SV2B: variants seen among roughly 807,000 people sequenced by gnomAD.
SV2B encodes the protein solute carrier family 22 member B2.
In SV2B, 41 loss-of-function variants were observed where a neutral mutation model predicts 73.9. The ratio of observed to expected loss-of-function variants is 0.56; its 90% CI spans 0.43 to 0.72. The LOEUF (loss-of-function observed/expected upper bound fraction) is 0.72, where lower values mean the gene tolerates loss of function less well. Among genes scored for constraint, SV2B ranks in the 30% least tolerant of loss-of-function variants. The pLI is 0.00. For synonymous variants in SV2B, 314 were observed against 314.2 expected (o/e 1.00, Z 0.01); for missense variants, 764 against 857.8 (o/e 0.89, Z 1.37).
At chr15:91,200,886 C>T (rs529208702) in intron 1 of SV2B, among the ~76,000 whole-genome samples, 6 of 152,146 alleles carry the variant, frequency 3.9e-5, no homozygotes, top group East Asian at 1.9e-4. Context: ...ACTCCAGCCT[C>T]GGTGATGGAG....
Position 91,252,360 on chromosome 15 carries a change from C to T in SV2B, c.633-9C>T. ...TTGATTCTTTCTCTCTGGCATTTTT[C>T]CTTTGCAGTATTGGGGGTGCTCTAC... On this transcript the variant is annotated splice_polypyrimidine_tract_variant and intron_variant, in intron 3 of 12. Transcript: ENST00000394232. The surrounding 1 kb of genome is among the most constrained non-coding windows in gnomAD (Gnocchi z 4.6). The T allele has an allele frequency of 1.3e-6, 2 of 1,595,702 alleles. No homozygotes were observed. The highest frequency in any genetic ancestry group is 1.7e-6 in the Non-Finnish European group (2 of 1,171,282).
chr15:91,226,603 G>A lies in SV2B; in HGVS notation c.340G>A (p.Val114Ile), dbSNP rs746858920. 75 of 1,614,068 alleles carry A rather than the reference G, an allele frequency of 4.6e-5. No homozygotes were observed. Among genetic ancestry groups the A allele is most frequent in the Middle Eastern group, 1.6e-4 (1 of 6,082 alleles). Residue 114 changes from valine to isoleucine, a missense_variant, in exon 2 of 13, where the codon GTC becomes ATC. By Grantham distance (29) the Val-to-Ile change is conservative (BLOSUM62 3). Transcript: ENST00000394232. Reference protein sequence around the residue: ...HGRFQWILFFVLGLALMADGV... With the variant: ...HGRFQWILFFILGLALMADGV... ...CCGCTTCCAGTGGATCCTCTTTTTC[G>A]TCTTGGGTTTGGCCCTGATGGCCGA...
At position 91,231,222 on chromosome 15, in the gene SV2B, C is replaced by T. The variant is rs560692908; in HGVS notation, c.451+4508C>T. On this transcript the variant is annotated intron_variant, in intron 2 of 12. Coordinates refer to ENST00000394232, the MANE Select transcript of SV2B (RefSeq NM_001323032.3). The surrounding 1 kb of genome is among the most constrained non-coding windows in gnomAD (Gnocchi z 4.5). Reference sequence around the variant, plus strand: ...AATGACATCACTGACAACGGATTGCCATGTTTAGGAGTGCGGACTTGATTC... The same window carrying T: ...AATGACATCACTGACAACGGATTGCTATGTTTAGGAGTGCGGACTTGATTC... Among the ~76,000 whole-genome samples, 6 of 152,208 alleles carry T rather than the reference C, an allele frequency of 3.9e-5. No homozygotes were observed. Among genetic ancestry groups the T allele is most frequent in the African/African-American group, 1.2e-4 (5 of 41,512 alleles).
At position 91,227,172 on chromosome 15, in the gene SV2B, T is replaced by G. The variant is rs2046411983; in HGVS notation, c.451+458T>G. Reference sequence around the variant, plus strand: ...TCCAGAGTCCGATGGTGTCTGTTCCTGGTTTCTCATGTACATAAATGTTAG... The same window carrying G: ...TCCAGAGTCCGATGGTGTCTGTTCCGGGTTTCTCATGTACATAAATGTTAG... On this transcript the variant is annotated intron_variant, in intron 2 of 12. Transcript: ENST00000394232. This position sits in a 1 kb window ranked among gnomAD's most constrained non-coding sequence, Gnocchi z 4.5. 1.3e-5 allele frequency among the ~76,000 whole-genome samples: 2 copies of G among 152,220 alleles called. No homozygotes were observed. Among genetic ancestry groups the G allele is most frequent in the African/African-American group, 4.8e-5 (2 of 41,462 alleles).
rs2042975881 is a variant in SV2B, at chr15:91,140,779, G to A, written c.-392+40416G>A. On this transcript the variant is annotated intron_variant, in intron 1 of 12. Coordinates refer to ENST00000394232, the MANE Select transcript of SV2B (RefSeq NM_001323032.3). The surrounding 1 kb of genome is among the most constrained non-coding windows in gnomAD (Gnocchi z 4.4). ...TTCTGTTTGTCTTGAAGAAGTTTCTGGCATGGCTCAGTGGCTGTTTATCAC... is the reference window on the plus strand; with the variant it reads ...TTCTGTTTGTCTTGAAGAAGTTTCTAGCATGGCTCAGTGGCTGTTTATCAC... 6.6e-6 allele frequency among the ~76,000 whole-genome samples: 1 copy of A among 151,990 alleles called. No homozygotes were observed. Among genetic ancestry groups the A allele is most frequent in the Non-Finnish European group, 1.5e-5 (1 of 67,986 alleles).
At position 91,252,499 on chromosome 15, in the gene SV2B, T is replaced by C; in HGVS notation, c.763T>C (p.Trp255Arg). The C allele has an allele frequency of 6.2e-7, 1 of 1,611,464 alleles. No homozygotes were observed. The highest frequency in any genetic ancestry group is 8.5e-7 in the Non-Finnish European group (1 of 1,178,676). ...TGGLYASAMA[W>R]SIIPHYGWGF... Reference sequence around the variant, plus strand: ...GGGCCTGTACGCATCTGCCATGGCCTGGAGCATCATCCCACACTATGGTGA... The same window carrying C: ...GGGCCTGTACGCATCTGCCATGGCCCGGAGCATCATCCCACACTATGGTGA... Residue 255 changes from tryptophan to arginine, a missense_variant, in exon 4 of 13, where the codon TGG (tryptophan) becomes CGG (arginine). Physicochemically the swap from Trp to Arg is moderately radical, Grantham distance 101. Coordinates refer to ENST00000394232, the MANE Select transcript of SV2B (RefSeq NM_001323032.3). This position sits in a 1 kb window ranked among gnomAD's most constrained non-coding sequence, Gnocchi z 4.6.
intron 1 of SV2B, among the ~76,000 whole-genome samples, chr15:91,201,754 A>G (rs976521591): frequency 6.6e-6 from 1 of 152,202 alleles, no homozygotes; most frequent in Non-Finnish European, 1.5e-5. Flanking sequence ...GCAAATCCAG[A>G]TAGCTCTACC....
chr15:91,115,236 T>A lies in SV2B; in HGVS notation c.-392+14873T>A, dbSNP rs531212064. 3.9e-5 allele frequency among the ~76,000 whole-genome samples: 6 copies of A among 152,312 alleles called. No homozygotes were observed. The East Asian group carries it at 1.2e-3, about 29-fold the overall frequency. On this transcript the variant is annotated intron_variant, in intron 1 of 12. Coordinates refer to ENST00000394232, the MANE Select transcript of SV2B (RefSeq NM_001323032.3). The surrounding 1 kb of genome is among the most constrained non-coding windows in gnomAD (Gnocchi z 4.3). Reference sequence around the variant, plus strand: ...GAGTTGTTGCTGAAAGAAGAGGACATGGGTCCTGAGCAGGCGAAACCCACA... The same window carrying A: ...GAGTTGTTGCTGAAAGAAGAGGACAAGGGTCCTGAGCAGGCGAAACCCACA...
intron 1 of SV2B, among the ~76,000 whole-genome samples, chr15:91,181,391 G>C (rs1392510615): frequency 6.6e-6 from 1 of 152,060 alleles, no homozygotes; most frequent in Non-Finnish European, 1.5e-5. Flanking sequence ...CAGATCTCCA[G>C]CTGCGTGCTG....
rs2045955886 is a variant in SV2B, at chr15:91,214,265, C to G, written c.-391-11608C>G. On this transcript the variant is annotated intron_variant, in intron 1 of 12. Coordinates refer to ENST00000394232, the MANE Select transcript of SV2B (RefSeq NM_001323032.3). This position sits in a 1 kb window ranked among gnomAD's most constrained non-coding sequence, Gnocchi z 4.7. ...GTGCTAAAAAACCAGAGGGTCTCAC[C>G]CAAGAAGGCCTCAGATTTGCTGCTT... 6.6e-6 allele frequency among the ~76,000 whole-genome samples: 1 copy of G among 152,078 alleles called. No homozygotes were observed. The highest frequency in any genetic ancestry group is 1.5e-5 in the Non-Finnish European group (1 of 68,024).
rs1445595509 is a variant in SV2B, at chr15:91,245,749, G to A, written c.452-6070G>A. 1.3e-5 allele frequency among the ~76,000 whole-genome samples: 2 copies of A among 152,096 alleles called. No individual in the cohort carries two copies. Among genetic ancestry groups the A allele is most frequent in the African/African-American group, 4.8e-5 (2 of 41,416 alleles). ...AATATATAACATCAAATAGAGACAT[G>A]TGATACAAAGGAAAAGCAATAGTAT... On this transcript the variant is annotated intron_variant, in intron 2 of 12. Transcript: ENST00000394232. This position sits in a 1 kb window ranked among gnomAD's most constrained non-coding sequence, Gnocchi z 4.2.
In SV2B at chr15:91,299,180, G is replaced by A. The variant is rs1163448703; in HGVS notation, c.*6628G>A. On this transcript the variant is annotated 3_prime_UTR_variant, in exon 13 of 13. Coordinates refer to ENST00000394232, the MANE Select transcript of SV2B (RefSeq NM_001323032.3). Reference sequence around the variant, plus strand: ...CTTGTCAATTAAAACTATAAATAAAGTGGCTTTCCAGAAAAATTAGATATT... The same window carrying A: ...CTTGTCAATTAAAACTATAAATAAAATGGCTTTCCAGAAAAATTAGATATT... 6.6e-6 allele frequency: 1 copy of A among 151,960 alleles called. No homozygotes were observed. The highest frequency in any genetic ancestry group is 2.4e-5 in the African/African-American group (1 of 41,356). 9.4% of individuals were successfully genotyped at this position (151,960 alleles called of 1,614,324 possible).
In SV2B at chr15:91,299,679, C is replaced by G. The variant is rs1167064199; in HGVS notation, c.*7127C>G. 3 of 152,310 alleles carry G rather than the reference C, an allele frequency of 2.0e-5. No individual in the cohort carries two copies. The highest frequency in any genetic ancestry group is 2.1e-4 in the South Asian group (1 of 4,824). The allele number at this position is 152,310 out of a possible 1,614,324, so 9.4% of individuals were successfully genotyped here. A position where few individuals can be genotyped will look rare whatever the true frequency, so the allele number is the denominator to read the frequency against. On this transcript the variant is annotated 3_prime_UTR_variant, in exon 13 of 13. Coordinates refer to ENST00000394232, the MANE Select transcript of SV2B (RefSeq NM_001323032.3). Reference sequence around the variant, plus strand: ...TATTTTTTTGAGACAGAGTCTCACTCTGTCATCTAGGCTGGAGTGCAGTGG... The same window carrying G: ...TATTTTTTTGAGACAGAGTCTCACTGTGTCATCTAGGCTGGAGTGCAGTGG...
chr15:91,118,489 C>T lies in SV2B; in HGVS notation c.-392+18126C>T, dbSNP rs2597909. 0.11 allele frequency among the ~76,000 whole-genome samples: 16,645 copies of T among 152,246 alleles called. 1,052 individuals are homozygous for T. The highest frequency in any genetic ancestry group is 0.19 in the East Asian group (986 of 5,176). ...GCTTGGGAAGGTACAGAAAGCTCCACAGGAAGAAGCCTGATGTGTAGGGGA... is the reference window on the plus strand; with the variant it reads ...GCTTGGGAAGGTACAGAAAGCTCCATAGGAAGAAGCCTGATGTGTAGGGGA... On this transcript the variant is annotated intron_variant, in intron 1 of 12. Transcript: ENST00000394232. This position sits in a 1 kb window ranked among gnomAD's most constrained non-coding sequence, Gnocchi z 4.7.
intron 1 of SV2B, among the ~76,000 whole-genome samples, chr15:91,152,497 AGT>A (rs2043344768): frequency 6.6e-6 from 1 of 152,212 alleles, no homozygotes; most frequent in Non-Finnish European, 1.5e-5. Context: ...ATTTTTAAGA[AGT>A]GAATTTACAT....
Position 91,118,212 on chromosome 15 carries a change from G to T in SV2B, c.-392+17849G>T, listed in dbSNP as rs2042231987. Among the ~76,000 whole-genome samples, 1 of 152,266 alleles carries T rather than the reference G, an allele frequency of 6.6e-6. No homozygotes were observed. The highest frequency in any genetic ancestry group is 1.9e-4 in the East Asian group (1 of 5,182). On this transcript the variant is annotated intron_variant, in intron 1 of 12. Coordinates refer to ENST00000394232, the MANE Select transcript of SV2B (RefSeq NM_001323032.3). This position sits in a 1 kb window ranked among gnomAD's most constrained non-coding sequence, Gnocchi z 4.7. ...TGCAAAAAGGGAGACAGGGTACCTT[G>T]CACCCTAGCTGGGTGTTTGCTGATC... is the stretch of plus-strand genomic sequence containing the variant.
intron 1 of SV2B, among the ~76,000 whole-genome samples, chr15:91,126,069 T>C (rs924920521): frequency 1.3e-5 from 2 of 152,138 alleles, no homozygotes; most frequent in African/African-American, 4.8e-5. Context: ...TTAAGAGGGA[T>C]TGGTCAGCTA....
rs905850923 is a variant in SV2B, at chr15:91,231,200, G to T, written c.451+4486G>T. Among the ~76,000 whole-genome samples, 12 of 152,186 alleles carry T rather than the reference G, an allele frequency of 7.9e-5. No homozygotes were observed. Among genetic ancestry groups the T allele is most frequent in the African/African-American group, 2.9e-4 (12 of 41,438 alleles). ...GGTAAGCCCTTTGGTTCTTACAAAT[G>T]ACATCACTGACAACGGATTGCCATG... is the stretch of plus-strand genomic sequence containing the variant. On this transcript the variant is annotated intron_variant, in intron 2 of 12. Coordinates refer to ENST00000394232, the MANE Select transcript of SV2B (RefSeq NM_001323032.3). This position sits in a 1 kb window ranked among gnomAD's most constrained non-coding sequence, Gnocchi z 4.5.
In SV2B at chr15:91,262,466, T is replaced by A. The variant is rs188424695; in HGVS notation, c.1008+2057T>A. ...ACCAATGCTTTTCCTGCCATTTTTT[T>A]AAAACTTCTATTTTAGGTTCGGGGT... On this transcript the variant is annotated intron_variant, in intron 6 of 12. Transcript: ENST00000394232. Among the ~76,000 whole-genome samples, 405 of 152,338 alleles carry A rather than the reference T, an allele frequency of 2.7e-3. 1 individual carries two copies. The highest frequency in any genetic ancestry group is 4.2e-3 in the Non-Finnish European group (288 of 68,024).
Sources: gnomAD v4.1 joint callset for allele counts (sites outside exome capture counted in the v4.1 genomes callset) on GRCh38, gnomAD v4.1.1 for gene constraint, Gnocchi (gnomAD v3.1) non-coding constraint, MANE v1.5 for transcripts, NCBI Gene and HGNC (gene_info 2026-07-23, HGNC 2026-07-21) for gene names.